Variants in TMEM117 observed in about 807,000 individuals in gnomAD.
TMEM117 encodes transmembrane protein 117.
A neutral mutation model predicts 52.4 loss-of-function variants in TMEM117; 27 were observed. The ratio of observed to expected loss-of-function variants is 0.51; its 90% confidence interval spans 0.38 to 0.71. TMEM117 has a LOEUF of 0.71. Among genes scored for constraint, TMEM117 ranks in the 30% least tolerant of loss-of-function variants. TMEM117 has a pLI of 0.00. For synonymous variants in TMEM117, 215 were observed against 206.3 expected (o/e 1.04, Z -0.36); for missense variants, 556 against 630.5 (o/e 0.88, Z 1.26).
intron 5 of TMEM117, among the ~76,000 whole-genome samples, chr12:44,217,667 G>C (rs965468293): frequency 3.9e-5 from 6 of 152,110 alleles, no homozygotes; most frequent in African/African-American, 1.4e-4. Flanking sequence ...CTCTGAATTA[G>C]TTCTCACAAA....
intron 3 of TMEM117, among the ~76,000 whole-genome samples, chr12:44,137,472 G>T (rs1225576754): frequency 6.6e-6 from 1 of 152,122 alleles, no homozygotes; most frequent in African/African-American, 2.4e-5. Context: ...TAAAAATGAA[G>T]ATGCCTTGCA....
intron 3 of TMEM117, among the ~76,000 whole-genome samples, chr12:44,068,632 G>A (rs1431024077): frequency 6.6e-6 from 1 of 152,118 alleles, no homozygotes; most frequent in African/African-American, 2.4e-5. Flanking sequence ...AAATAGGTGT[G>A]GTTTGTGGTG....
At chr12:43,998,250 G>C (rs1288770856) in intron 3 of TMEM117, among the ~76,000 whole-genome samples, 1 of 152,208 alleles carries the variant, frequency 6.6e-6, no homozygotes, top group East Asian at 1.9e-4. Flanking sequence ...CCAGACATTG[G>C]TAGAGGGAAA....
At chr12:44,294,661 G>A (rs1351122678) in intron 5 of TMEM117, among the ~76,000 whole-genome samples, 1 of 152,064 alleles carries the variant, frequency 6.6e-6, no homozygotes, top group Non-Finnish European at 1.5e-5. Context: ...GTGCTTTGGA[G>A]CCATTATTAA....
intron 3 of TMEM117, among the ~76,000 whole-genome samples, chr12:44,045,748 C>T (rs1000628822): frequency 1.3e-5 from 2 of 152,128 alleles, no homozygotes; most frequent in African/African-American, 4.8e-5. Flanking sequence ...GAGGCTGAGG[C>T]AGGAGAATCC....
the TMEM117 span, chr12:43,800,527 G>A: frequency 8.1e-6 from 13 of 1,611,860 alleles, no homozygotes; most frequent in Admixed American, 1.7e-5. Context: ...ATTTTTTGAC[G>A]AACCTATTCA....
intron 6 of TMEM117, among the ~76,000 whole-genome samples, chr12:44,302,666 C>T (rs1950855906): frequency 6.6e-6 from 1 of 152,142 alleles, no homozygotes; most frequent in Non-Finnish European, 1.5e-5. Flanking sequence ...GTAATAACTG[C>T]TTGATGAGGA....
At chr12:44,175,346 A>T (rs1949103592) in intron 4 of TMEM117, among the ~76,000 whole-genome samples, 1 of 152,204 alleles carries the variant, frequency 6.6e-6, no homozygotes, top group Middle Eastern at 3.4e-3. Context: ...AGCAAGGATG[A>T]CCCCAGGCTT....
intron 3 of TMEM117, among the ~76,000 whole-genome samples, chr12:44,074,094 G>T (rs1443942354): frequency 6.6e-6 from 1 of 152,038 alleles, no homozygotes; most frequent in Non-Finnish European, 1.5e-5. Flanking sequence ...TACCTTCCCT[G>T]TTTTCTGTTT....
intron 6 of TMEM117, among the ~76,000 whole-genome samples, chr12:44,353,440 T>G (rs1193163791): frequency 6.6e-6 from 1 of 152,166 alleles, no homozygotes; most frequent in Admixed American, 6.5e-5. Context: ...GTCTAACATG[T>G]AAGTCTTTAA....
Position 43,944,235 on chromosome 12 carries a change from T to G in TMEM117, c.303T>G (p.Phe101Leu). Reference sequence around the variant, plus strand: ...GTCAGTTGCTCCGATTAAAAATGTTTCGAGAAGATCATGGGTCGTGGATGA... The same window carrying G: ...GTCAGTTGCTCCGATTAAAAATGTTGCGAGAAGATCATGGGTCGTGGATGA... ...LFGQLLRLKM[F>L]REDHGSWMTM... The change falls in exon 3 of 8, where the codon TTT becomes TTG. Residue 101 changes from phenylalanine (F) to leucine (L), a missense_variant. Around this residue, in one of 3 missense-constraint regions of TMEM117, gnomAD observed 328 missense variants for 371.4 expected, o/e 0.88. Coordinates refer to ENST00000266534, the MANE Select transcript of TMEM117 (RefSeq NM_032256.3). 2 of 1,612,528 alleles carry G rather than the reference T, an allele frequency of 1.2e-6. No individual in the cohort carries two copies. The highest frequency in any genetic ancestry group is 1.7e-6 in the Non-Finnish European group (2 of 1,179,496).
At chr12:43,958,901 G>A (rs979721748) in intron 3 of TMEM117, among the ~76,000 whole-genome samples, 35 of 152,172 alleles carry the variant, frequency 2.3e-4, no homozygotes, top group African/African-American at 8.2e-4. Flanking sequence ...CCGCCTCCCG[G>A]GTTCACGCCA....
chr12:44,337,005 A>G (rs984409280), intron 6 of TMEM117, among the ~76,000 whole-genome samples: 2 of 152,082 alleles, frequency 1.3e-5, no homozygotes, highest in African/African-American at 2.4e-5. Context: ...TTTGAAACTC[A>G]GTGTCTTCGG....
intron 3 of TMEM117, among the ~76,000 whole-genome samples, chr12:44,130,568 T>C (rs1948397992): frequency 6.6e-6 from 1 of 152,168 alleles, no homozygotes; most frequent in Non-Finnish European, 1.5e-5. Flanking sequence ...CTGAGAACTA[T>C]CCAGGCTTCA....
chr12:43,985,664 A>G (rs1945836874), intron 3 of TMEM117, among the ~76,000 whole-genome samples: 1 of 152,210 alleles, frequency 6.6e-6, no homozygotes, highest in African/African-American at 2.4e-5. Context: ...TTAGTGTCAG[A>G]TATGTTAATA....
intron 3 of TMEM117, among the ~76,000 whole-genome samples, chr12:44,106,621 G>C (rs1947959039): frequency 6.6e-6 from 1 of 151,676 alleles, no homozygotes. Flanking sequence ...ACATCACTTT[G>C]TACTCCATAA....
At chr12:44,231,665 G>A (rs1320518439) in intron 5 of TMEM117, among the ~76,000 whole-genome samples, 2 of 151,706 alleles carry the variant, frequency 1.3e-5, no homozygotes, top group African/African-American at 4.8e-5. Context: ...CAATCCGGTG[G>A]TTGTTCAGTA....
At chr12:43,865,382 C>T (rs536301909) in intron 2 of TMEM117, among the ~76,000 whole-genome samples, 15 of 152,134 alleles carry the variant, frequency 9.9e-5, no homozygotes, top group African/African-American at 1.9e-4. Flanking sequence ...TAGGAGTTGC[C>T]GCAGGATTGT....
the TMEM117 span, among the ~76,000 whole-genome samples, chr12:43,812,591 A>G: frequency 6.6e-6 from 1 of 152,134 alleles, no homozygotes; most frequent in East Asian, 1.9e-4. Context: ...TCACAAGTTA[A>G]CCGTACTCTT....
Sources: allele counts gnomAD v4.1 joint callset (sites outside exome capture counted in the v4.1 genomes callset), GRCh38; gene constraint gnomAD v4.1.1; regional missense constraint gnomAD v4.1.1; transcripts MANE v1.5; gene names NCBI Gene and HGNC (gene_info 2026-07-23, HGNC 2026-07-21).